PLCB4: variants seen among roughly 807,000 people sequenced by gnomAD.
The protein encoded by PLCB4 is phospholipase C beta 4, also known as 1-phosphatidylinositol 4,5-bisphosphate phosphodiesterase beta-4.
A neutral mutation model predicts 178.8 loss-of-function variants in PLCB4; 77 were observed. The observed-to-expected ratio is 0.43, with a 90% CI of 0.36 to 0.52. The LOEUF (loss-of-function observed/expected upper bound fraction) is 0.52. PLCB4 is among the 20% of genes least tolerant of loss of function. PLCB4 has a pLI of 0.00. For missense variants in PLCB4, 1,024 were observed against 1,453.4 expected, an observed-to-expected ratio of 0.70 and a Z score of 4.80; for synonymous variants, 496 against 490.8, an observed-to-expected ratio of 1.01 and a Z score of -0.14.
Position 9,389,739 on chromosome 20 carries a change from T to G in PLCB4, c.1159-140T>G, listed in dbSNP as rs1602310701. The G allele has an allele frequency of 6.8e-6, 4 of 585,444 alleles. No individual in the cohort carries two copies. In the East Asian group the frequency reaches 1.1e-4, roughly 16 times the overall value. 36.3% of individuals were successfully genotyped at this position (585,444 alleles called of 1,614,324 possible). On this transcript the variant is annotated intron_variant, in intron 15 of 39. Coordinates refer to ENST00000378473, the MANE Select transcript of PLCB4 (RefSeq NM_001377142.1). ...CCACAGGGAACTCAACCTTTAGAGGTGTCAAGGTAGATGGGGGCTCCAGGT... is the reference window on the plus strand; with the variant it reads ...CCACAGGGAACTCAACCTTTAGAGGGGTCAAGGTAGATGGGGGCTCCAGGT...
chr20:9,431,552 A>G (rs2041398004), intron 28 of PLCB4, among the ~76,000 whole-genome samples: 1 of 151,834 alleles, frequency 6.6e-6, no homozygotes, highest in Non-Finnish European at 1.5e-5. Context: ...TGCAACCTCC[A>G]CTTGCCAGGT....
chr20:9,328,883 A>G (rs966418401), intron 4 of PLCB4, among the ~76,000 whole-genome samples: 15 of 152,236 alleles, frequency 9.9e-5, no homozygotes, highest in African/African-American at 3.6e-4. Flanking sequence ...CTCTGCACAG[A>G]AAGGGCTCCT....
chr20:9,226,251 G>A (rs1568980832), intron 3 of PLCB4, among the ~76,000 whole-genome samples: 1 of 152,254 alleles, frequency 6.6e-6, no homozygotes, highest in East Asian at 1.9e-4. Flanking sequence ...GTAAGAAACT[G>A]TTGCAACAGT....
intron 7 of PLCB4, among the ~76,000 whole-genome samples, chr20:9,348,841 G>A (rs1343757568): frequency 2.0e-5 from 3 of 152,060 alleles, no homozygotes; most frequent in African/African-American, 7.2e-5. Context: ...TATTTCTTTG[G>A]ATGAGAGTAT....
chr20:9,368,360 C>T lies in PLCB4; in HGVS notation c.503+2846C>T, dbSNP rs2035954794. 2.0e-5 allele frequency among the ~76,000 whole-genome samples: 3 copies of T among 152,332 alleles called. No individual in the cohort carries two copies. In the South Asian group the frequency reaches 6.2e-4, roughly 32 times the overall value. ...ACAAATTTACACTCAGTTTATCCTC[C>T]CACTCAGACCAAAGTTTTGGAAATA... On this transcript the variant is annotated intron_variant, in intron 9 of 39. Transcript: ENST00000378473.
chr20:9,146,347 A>T (rs892035551), intron 2 of PLCB4, among the ~76,000 whole-genome samples: 3 of 152,120 alleles, frequency 2.0e-5, no homozygotes, highest in South Asian at 4.1e-4. Flanking sequence ...GGCCCATTTG[A>T]TGGTATTAAA....
intron 3 of PLCB4, among the ~76,000 whole-genome samples, chr20:9,293,414 G>A (rs548890658): frequency 2.0e-5 from 3 of 150,444 alleles, no homozygotes; most frequent in Admixed American, 6.6e-5. Flanking sequence ...GGGAAGGGAA[G>A]GGAAGGGAAG....
At chr20:9,225,075 CT>C (rs1009080201) in intron 3 of PLCB4, among the ~76,000 whole-genome samples, 1 of 152,040 alleles carries the variant, frequency 6.6e-6, no homozygotes, top group African/African-American at 2.4e-5. Context: ...TTAAAAAATG[CT>C]GATGGATGGA....
At chr20:9,268,299 C>T (rs961877693) in intron 3 of PLCB4, among the ~76,000 whole-genome samples, 3 of 152,086 alleles carry the variant, frequency 2.0e-5, no homozygotes, top group African/African-American at 7.2e-5. Context: ...TCTGATCATA[C>T]TTGGTTTCTT....
chr20:9,258,403 G>C (rs913407906), intron 3 of PLCB4, among the ~76,000 whole-genome samples: 14 of 152,026 alleles, frequency 9.2e-5, no homozygotes, highest in Admixed American at 5.2e-4. Context: ...AATGGGAGTG[G>C]GGTGGAAAGT....
rs1261796931 is a variant in PLCB4, at chr20:9,372,283, C to T, written c.586-20C>T. On this transcript the variant is annotated intron_variant, in intron 10 of 39. Transcript: ENST00000378473. Reference sequence around the variant, plus strand: ...GGAAAAACGGTTCTGTGATTCATAACATGATTTTATTCCTTACAGAATGAT... The same window carrying T: ...GGAAAAACGGTTCTGTGATTCATAATATGATTTTATTCCTTACAGAATGAT... The T allele has an allele frequency of 7.3e-7, 1 of 1,374,440 alleles. No individual in the cohort carries two copies. The highest frequency in any genetic ancestry group is 1.8e-5 in the Admixed American group (1 of 56,982). 85.1% of individuals were successfully genotyped at this position (1,374,440 alleles called of 1,614,324 possible).
intron 4 of PLCB4, among the ~76,000 whole-genome samples, chr20:9,326,391 A>G (rs1432757967): frequency 6.6e-6 from 1 of 152,158 alleles, no homozygotes; most frequent in Non-Finnish European, 1.5e-5. Context: ...TGACACCAGA[A>G]TAAGCGTTCT....
chr20:9,268,144 A>G (rs1190155210), intron 3 of PLCB4, among the ~76,000 whole-genome samples: 1 of 152,200 alleles, frequency 6.6e-6, no homozygotes. Flanking sequence ...GACTAAGGCA[A>G]TCAATTAATT....
intron 4 of PLCB4, among the ~76,000 whole-genome samples, chr20:9,322,398 G>A (rs2147969924): frequency 6.6e-6 from 1 of 152,272 alleles, no homozygotes; most frequent in Non-Finnish European, 1.5e-5. Context: ...TATTTATTTT[G>A]ATAAACTAAC....
intron 7 of PLCB4, among the ~76,000 whole-genome samples, chr20:9,357,716 C>G (rs141846245): frequency 3.6e-4 from 55 of 152,286 alleles, no homozygotes; most frequent in African/African-American, 1.3e-3. Context: ...AAGGCACTAC[C>G]TATGAACTAG....
chr20:9,216,411 G>T (rs1399730960), intron 2 of PLCB4, among the ~76,000 whole-genome samples: 4 of 151,994 alleles, frequency 2.6e-5, no homozygotes, highest in African/African-American at 4.8e-5. Flanking sequence ...TAGAGACGGG[G>T]TTTCACCATG....
chr20:9,252,992 A>G (rs1442305630), intron 3 of PLCB4, among the ~76,000 whole-genome samples: 1 of 152,174 alleles, frequency 6.6e-6, no homozygotes, highest in Non-Finnish European at 1.5e-5. Flanking sequence ...CTCCGTGATC[A>G]TGTGAGCCAA....
chr20:9,175,837 G>A (rs969419950), intron 2 of PLCB4, among the ~76,000 whole-genome samples: 4 of 151,978 alleles, frequency 2.6e-5, no homozygotes, highest in Non-Finnish European at 5.9e-5. Context: ...AGGTCCATTG[G>A]GCCTGTTAAA....
chr20:9,090,477 CA>C (rs1157010565), intron 1 of PLCB4, among the ~76,000 whole-genome samples: 1 of 148,600 alleles, frequency 6.7e-6, no homozygotes, highest in African/African-American at 2.5e-5. Context: ...ATAACTATCC[CA>C]AAATAAGTTT....
Sources: gnomAD v4.1 joint callset for allele counts (sites outside exome capture counted in the v4.1 genomes callset) on GRCh38, gnomAD v4.1.1 for gene constraint, MANE v1.5 for transcripts, NCBI Gene and HGNC (gene_info 2026-07-23, HGNC 2026-07-21) for gene names.